FN1: variants seen among roughly 807,000 people sequenced by gnomAD.
FN1 encodes fibronectin 1.
In FN1, 106 loss-of-function variants were observed where a neutral mutation model predicts 297.3. The ratio of observed to expected loss-of-function variants is 0.36; its 90% CI spans 0.30 to 0.42. The LOEUF (loss-of-function observed/expected upper bound fraction) is 0.42. Ranked by LOEUF, FN1 falls within the 10% of genes least tolerant of loss-of-function variation. The pLI is 1.00. For missense variants in FN1, 2,690 were observed against 3,124.9 expected (o/e 0.86, Z 3.32); for synonymous variants, 1,149 against 1,152.6 (o/e 1.00, Z 0.06).
At chr2:215,373,178 A>C (rs2056574230) in intron 39 of FN1, 144 bp downstream of exon 39, 7 of 657,680 alleles carry the variant, frequency 1.1e-5, no homozygotes, top group Non-Finnish European at 1.9e-5. Flanking sequence ...CTATTAAAGA[A>C]TACAATATAT....
intron 19 of FN1, among the ~76,000 whole-genome samples, chr2:215,405,564 C>T (rs920949463): frequency 2.6e-5 from 4 of 151,958 alleles, no homozygotes; most frequent in South Asian, 2.1e-4. Flanking sequence ...GCCAACACAG[C>T]GAAACCCATT....
At position 215,383,492 on chromosome 2, in the gene FN1, A is replaced by T. The variant is rs756924659; in HGVS notation, c.4895-9T>A. ...GGATGGTTTGTCAATTTCTACAAAT[A>T]AAAGCAGGGAGAAACCAGTGAAGCC... On this transcript the variant is annotated splice_polypyrimidine_tract_variant and intron_variant, in intron 30 of 45. Coordinates refer to ENST00000354785, the MANE Select transcript of FN1 (RefSeq NM_212482.4). 6.2e-7 allele frequency: 1 copy of T among 1,614,126 alleles called. No homozygotes were observed. The highest frequency in any genetic ancestry group is 1.1e-5 in the South Asian group (1 of 91,086).
chr2:215,413,167 T>G (rs2062920662), intron 13 of FN1, among the ~76,000 whole-genome samples: 1 of 152,174 alleles, frequency 6.6e-6, no homozygotes, highest in Admixed American at 6.5e-5. Context: ...CAGGCTAGGG[T>G]GCAATGGCGC....
At chr2:215,391,871 G>A (rs1257151589) in intron 25 of FN1, 57 bp from the exon 26 acceptor site, 34 of 1,458,036 alleles carry the variant, frequency 2.3e-5, no homozygotes, top group African/African-American at 1.4e-4. Context: ...TAAAGCTAAC[G>A]AAGTAGCTGG....
At chr2:215,396,106 C>T (rs959981717) in intron 23 of FN1, among the ~76,000 whole-genome samples, 9 of 152,120 alleles carry the variant, frequency 5.9e-5, no homozygotes, top group Non-Finnish European at 1.2e-4. Context: ...TAGCTCTGTG[C>T]CCCGGCAAAG....
intron 19 of FN1, 144 bp from the exon 20 acceptor site, chr2:215,404,799 A>G (rs2061565001): frequency 1.3e-6 from 1 of 781,496 alleles, no homozygotes; most frequent in Non-Finnish European, 2.1e-6. Flanking sequence ...AAACTGAGCC[A>G]GTAAGAGATT....
chr2:215,388,146 T>C (rs2059258556), intron 27 of FN1, 66 bp downstream of exon 27: 1 of 1,131,458 alleles, frequency 8.8e-7, no homozygotes, highest in African/African-American at 1.5e-5. Flanking sequence ...AGAAGTAGCA[T>C]TTCATTTGTT....
In FN1 at chr2:215,391,627, C is replaced by T; in HGVS notation, c.4252+5G>A. On this transcript the variant is annotated splice_donor_5th_base_variant and intron_variant, in intron 26 of 45. Transcript: ENST00000354785. ...TTTATGGAACAGATACATTCAACTG[C>T]TTACTTGTTAAGACCACTGCATTGT... The T allele has an allele frequency of 6.2e-7, 1 of 1,610,760 alleles. No homozygotes were observed. The highest frequency in any genetic ancestry group is 8.5e-7 in the Non-Finnish European group (1 of 1,176,930).
chr2:215,395,814 G>A (rs1192642169), intron 23 of FN1, among the ~76,000 whole-genome samples: 1 of 152,178 alleles, frequency 6.6e-6, no homozygotes, highest in African/African-American at 2.4e-5. Context: ...TAAATATTGA[G>A]ATCATTACAC....
chr2:215,376,544 T>TG lies in FN1; in HGVS notation c.5840dup (p.Ile1948AsnfsTer22), dbSNP rs1559365612. The TG allele has an allele frequency of 6.2e-7, 1 of 1,614,142 alleles. No homozygotes were observed. The highest frequency in any genetic ancestry group is 8.5e-7 in the Non-Finnish European group (1 of 1,180,016). On this transcript the variant is annotated frameshift_variant, in exon 36 of 46. Transcript: ENST00000354785. LOFTEE classifies it high-confidence loss of function. ...CATCTGGCTTGATGGTTCTCTGGAT[T>TG]GGAGTCTGGCCATTGGCTGGAACGG... is the stretch of plus-strand genomic sequence containing the variant.
chr2:215,372,322 T>C lies in FN1; in HGVS notation c.6301A>G (p.Ile2101Val). 6.2e-7 allele frequency: 1 copy of C among 1,614,182 alleles called. No homozygotes were observed. Among genetic ancestry groups the C allele is most frequent in the Non-Finnish European group, 8.5e-7 (1 of 1,180,028 alleles). ...TGAACTGTGGAAGGAACATCCAAGA[T>C]CTCTGGTCCATGAAGATTGGGGTGT... Reference protein sequence around the residue: ...LPHPNLHGPEILDVPSTVQKT... With the variant: ...LPHPNLHGPEVLDVPSTVQKT... The change falls in exon 40 of 46, where the codon ATC becomes GTC. Residue 2101 changes from isoleucine (I) to valine (V), a missense_variant. Ile to Val is a conservative substitution (Grantham distance 29). Transcript: ENST00000354785.
chr2:215,432,525 C>T (rs115859291), intron 3 of FN1, among the ~76,000 whole-genome samples: 2,520 of 152,298 alleles, frequency 0.017, 74 homozygotes, highest in African/African-American at 0.056. Context: ...TTGCCTCTTG[C>T]GATTTGCCTG....
intron 5 of FN1, among the ~76,000 whole-genome samples, chr2:215,429,688 A>T (rs1369499912): frequency 6.6e-6 from 1 of 152,228 alleles, no homozygotes; most frequent in Non-Finnish European, 1.5e-5. Context: ...ATAAATATGT[A>T]TAAGACTTTC....
intron 34 of FN1, among the ~76,000 whole-genome samples, chr2:215,378,619 A>C (rs13414859): frequency 0.2 from 30,808 of 151,992 alleles, 3,347 homozygotes; most frequent in Non-Finnish European, 0.24. Flanking sequence ...AGAATGTTCC[A>C]TTTTGTCTCT....
At chr2:215,420,541 A>T (rs570572565) in intron 11 of FN1, 132 bp downstream of exon 11, 1 of 1,164,720 alleles carries the variant, frequency 8.6e-7, no homozygotes, top group East Asian at 2.4e-5. Context: ...AAGACTTTGC[A>T]AAGTTCTTTG....
intron 3 of FN1, among the ~76,000 whole-genome samples, chr2:215,432,980 T>C (rs2066784750): frequency 6.6e-6 from 1 of 152,158 alleles, no homozygotes; most frequent in Non-Finnish European, 1.5e-5. Flanking sequence ...TTTGTCTAGC[T>C]TGAAGATATC....
At chr2:215,378,754 G>A (rs1175194229) in intron 34 of FN1, among the ~76,000 whole-genome samples, 1 of 152,144 alleles carries the variant, frequency 6.6e-6, no homozygotes, top group Non-Finnish European at 1.5e-5. Context: ...AATGAGGGTA[G>A]GCTCAAGGTA....
chr2:215,421,617 C>T (rs909859602), intron 10 of FN1, among the ~76,000 whole-genome samples: 2 of 152,124 alleles, frequency 1.3e-5, no homozygotes, highest in African/African-American at 4.8e-5. Context: ...TCAATACTTC[C>T]TCATATTATA....
intron 44 of FN1, 34 bp from the exon 45 acceptor site, chr2:215,362,113 T>A (rs763422179): frequency 3.3e-5 from 50 of 1,506,094 alleles, no homozygotes; most frequent in Non-Finnish European, 4.6e-5. Flanking sequence ...CAAATGGGGT[T>A]TATGATAACC....
Sources: allele counts gnomAD v4.1 joint callset (sites outside exome capture counted in the v4.1 genomes callset), GRCh38; gene constraint gnomAD v4.1.1; transcripts MANE v1.5; gene names NCBI Gene and HGNC (gene_info 2026-07-23, HGNC 2026-07-21).